The following TTLL7 variants were observed in gnomAD, a reference collection of about 807,000 sequenced individuals.
TTLL7 encodes the protein tubulin tyrosine ligase like 7.
A neutral mutation model predicts 120.2 loss-of-function variants in TTLL7; 53 were observed. The ratio of observed to expected loss-of-function variants is 0.44; its 90% confidence interval spans 0.35 to 0.55. The LOEUF (loss-of-function observed/expected upper bound fraction) is 0.55. Among genes scored for constraint, TTLL7 ranks in the 20% least tolerant of loss-of-function variants. The probability of loss-of-function intolerance (pLI) is 0.00; values close to 1 mark genes in which losing one functional copy is unlikely to be tolerated. For synonymous variants in TTLL7, 353 were observed against 351.7 expected (o/e 1.00, Z -0.04); for missense variants, 803 against 1,054.7 (o/e 0.76, Z 3.31).
intron 1 of TTLL7, among the ~76,000 whole-genome samples, chr1:83,989,914 G>A (rs954538515): frequency 1.6e-4 from 25 of 151,994 alleles, no homozygotes; most frequent in Non-Finnish European, 3.5e-4. Flanking sequence ...GGCTTTGGTT[G>A]TTGTTGTTAT....
intron 6 of TTLL7, among the ~76,000 whole-genome samples, chr1:83,943,321 G>A (rs988917804): frequency 6.6e-6 from 1 of 152,060 alleles, no homozygotes; most frequent in Non-Finnish European, 1.5e-5. Flanking sequence ...GAATCTAGAC[G>A]ACCAGTTACA....
At chr1:83,953,461 C>T (rs551535729) in intron 1 of TTLL7, among the ~76,000 whole-genome samples, 7 of 152,036 alleles carry the variant, frequency 4.6e-5, no homozygotes, top group East Asian at 1.9e-4. Context: ...TATATCACTC[C>T]AAATATTCAT....
chr1:83,975,479 T>C (rs1455727692), intron 1 of TTLL7, among the ~76,000 whole-genome samples: 1 of 152,100 alleles, frequency 6.6e-6, no homozygotes, highest in African/African-American at 2.4e-5. Context: ...ACAGATCTGT[T>C]TGATTCTCAG....
chr1:83,968,848 C>A (rs1650720452), intron 1 of TTLL7, among the ~76,000 whole-genome samples: 1 of 151,976 alleles, frequency 6.6e-6, no homozygotes, highest in Non-Finnish European at 1.5e-5. Flanking sequence ...AGAAGTCTCC[C>A]TTCAATATAA....
At chr1:83,911,714 A>C (rs534886167) in intron 14 of TTLL7, among the ~76,000 whole-genome samples, 1 of 151,460 alleles carries the variant, frequency 6.6e-6, no homozygotes, top group Middle Eastern at 3.4e-3. Context: ...TTCATTCCAT[A>C]AGAGATTACT....
At chr1:83,994,690 G>C (rs995617023) in intron 1 of TTLL7, among the ~76,000 whole-genome samples, 2 of 152,174 alleles carry the variant, frequency 1.3e-5, no homozygotes, top group African/African-American at 4.8e-5. Flanking sequence ...GGTCTTTAAT[G>C]TCTGTCAACT....
At position 83,920,738 on chromosome 1, in the gene TTLL7, G is replaced by A. The variant is rs190606942; in HGVS notation, c.1364+349C>T. On this transcript the variant is annotated intron_variant, in intron 12 of 20. Coordinates refer to ENST00000260505, the MANE Select transcript of TTLL7 (RefSeq NM_024686.6). ...ACTCCTTCAAACATTTTCATTATTT[G>A]CCTAGTTCCTGAAAAAGTACAGTAA... The A allele has an allele frequency of 1.8e-4, 40 of 219,608 alleles. No homozygotes were observed. In the East Asian group the frequency reaches 4.9e-3, roughly 27 times the overall value. The allele number at this position is 219,608 out of a possible 1,614,324, so 13.6% of individuals were successfully genotyped here.
Position 83,870,091 on chromosome 1 carries a change from G to T in TTLL7, c.2544-9C>A. ...TCCCTGGTAGTAAATACCTAAAAAT[G>T]ATGGTTAACAAATTAGATTTTTACA... is the stretch of plus-strand genomic sequence containing the variant. On this transcript the variant is annotated splice_polypyrimidine_tract_variant and intron_variant, in intron 20 of 20. Transcript: ENST00000260505. 2.6e-6 allele frequency: 4 copies of T among 1,538,090 alleles called. No individual in the cohort carries two copies. The highest frequency in any genetic ancestry group is 2.6e-5 in the South Asian group (2 of 77,588).
At chr1:83,966,213 G>T (rs1285036816) in intron 1 of TTLL7, among the ~76,000 whole-genome samples, 1 of 152,054 alleles carries the variant, frequency 6.6e-6, no homozygotes, top group Admixed American at 6.6e-5. Context: ...TGAAAGAGAG[G>T]ATTCTGCCTC....
intron 15 of TTLL7, among the ~76,000 whole-genome samples, chr1:83,910,517 G>A (rs1357221854): frequency 1.3e-5 from 2 of 151,982 alleles, no homozygotes; most frequent in East Asian, 1.9e-4. Flanking sequence ...AAGAACAAAC[G>A]AAAGAAGAGC....
intron 1 of TTLL7, among the ~76,000 whole-genome samples, chr1:83,969,498 C>G (rs512737): frequency 5.9e-5 from 9 of 151,782 alleles, no homozygotes; most frequent in African/African-American, 1.9e-4. Context: ...TTATTAGTCT[C>G]CTTCTTTGAA....
chr1:83,952,009 T>C lies in TTLL7; in HGVS notation c.26-33A>G, dbSNP rs200744702. 8.3e-4 allele frequency: 1,320 copies of C among 1,590,616 alleles called. 1 individual carries two copies. Among genetic ancestry groups the C allele is most frequent in the Middle Eastern group, 1.9e-3 (11 of 5,910 alleles). On this transcript the variant is annotated intron_variant, in intron 2 of 20. Coordinates refer to ENST00000260505, the MANE Select transcript of TTLL7 (RefSeq NM_024686.6). ...AAAATGTAAAATAATCAGATAACAC[T>C]GAAAACAAAAATCTATACCAGACAA... is the stretch of plus-strand genomic sequence containing the variant.
At chr1:83,885,874 C>T (rs1654932416) in intron 19 of TTLL7, among the ~76,000 whole-genome samples, 2 of 152,112 alleles carry the variant, frequency 1.3e-5, no homozygotes, top group South Asian at 4.1e-4. Flanking sequence ...AATACCAGTG[C>T]TTTTATCAAA....
At chr1:83,938,334 C>G (rs2100833385) in intron 7 of TTLL7, among the ~76,000 whole-genome samples, 1 of 152,210 alleles carries the variant, frequency 6.6e-6, no homozygotes, top group Non-Finnish European at 1.5e-5. Flanking sequence ...GAAAAATGAT[C>G]TGAGTTTGTT....
chr1:83,903,713 C>T (rs956077008), intron 18 of TTLL7, among the ~76,000 whole-genome samples: 3 of 151,940 alleles, frequency 2.0e-5, no homozygotes, highest in Non-Finnish European at 4.4e-5. Flanking sequence ...TGTATATGTT[C>T]AGTACAGACA....
chr1:83,906,329 A>G lies in TTLL7; in HGVS notation c.2127T>C (p.Asp709=). 6.2e-7 allele frequency: 1 copy of G among 1,611,556 alleles called. No individual in the cohort carries two copies. The highest frequency in any genetic ancestry group is 1.1e-5 in the South Asian group (1 of 90,832). The change falls in exon 17 of 21, where the codon GAT becomes GAC. Residue 709 remains aspartate (D), a splice_region_variant and synonymous_variant. Coordinates refer to ENST00000260505, the MANE Select transcript of TTLL7 (RefSeq NM_024686.6). Reference sequence around the variant, plus strand: ...CATTTTAGATACATCACATACTCACATCTTCTATCAGAAGTTCTGATTCTG... The same window carrying G: ...CATTTTAGATACATCACATACTCACGTCTTCTATCAGAAGTTCTGATTCTG... ...SDAESELLIE[D]IIDNWKYHKT...
intron 14 of TTLL7, among the ~76,000 whole-genome samples, chr1:83,911,947 TG>T (rs1040608552): frequency 6.6e-6 from 1 of 152,090 alleles, no homozygotes; most frequent in African/African-American, 2.4e-5. Context: ...ATTCAGACAA[TG>T]TGCAGGAAGA....
chr1:83,897,319 T>G (rs563276617), intron 18 of TTLL7, among the ~76,000 whole-genome samples: 1 of 152,188 alleles, frequency 6.6e-6, no homozygotes, highest in East Asian at 1.9e-4. Context: ...GCCTGGGGCA[T>G]GGTAGTCCCT....
intron 1 of TTLL7, among the ~76,000 whole-genome samples, chr1:83,973,598 C>T (rs1372613218): frequency 4.6e-5 from 7 of 151,952 alleles, no homozygotes; most frequent in Non-Finnish European, 1.0e-4. Flanking sequence ...TTGTCAATAT[C>T]CACAAAACAA....
Sources: gnomAD v4.1 joint callset for allele counts (sites outside exome capture counted in the v4.1 genomes callset) on GRCh38, gnomAD v4.1.1 for gene constraint, MANE v1.5 for transcripts, NCBI Gene and HGNC (gene_info 2026-07-23, HGNC 2026-07-21) for gene names.